SLC2A9: variants seen among roughly 807,000 people sequenced by gnomAD.
SLC2A9 encodes solute carrier family 2 member 9.
A neutral mutation model predicts 50.6 loss-of-function variants in SLC2A9; 39 were observed. That is an observed-to-expected ratio of 0.77 (90% confidence interval 0.60 to 1.01). The LOEUF is 1.01. SLC2A9 is among the 50% of genes least tolerant of loss of function. The pLI, the probability that SLC2A9 is intolerant of heterozygous loss-of-function variation, is 0.00. For synonymous variants in SLC2A9, 324 were observed against 276.9 expected (o/e 1.17, Z -1.69); for missense variants, 686 against 677.6 (o/e 1.01, Z -0.14).
Position 9,942,868 on chromosome 4 carries a change from G to A in SLC2A9, c.682-823C>T, listed in dbSNP as rs905143897. 3.3e-5 allele frequency among the ~76,000 whole-genome samples: 5 copies of A among 152,324 alleles called. No homozygotes were observed. The East Asian group carries it at 9.6e-4, about 29-fold the overall frequency. On this transcript the variant is annotated intron_variant, in intron 5 of 11. Transcript: ENST00000264784. Reference sequence around the variant, plus strand: ...ACAATGCAGTTCTGATCATGAGAAGGAGGAAAAACCAAGTCCTCAATGCCA... The same window carrying A: ...ACAATGCAGTTCTGATCATGAGAAGAAGGAAAAACCAAGTCCTCAATGCCA...
chr4:9,844,226 A>G (rs1728583774), intron 10 of SLC2A9, among the ~76,000 whole-genome samples: 1 of 148,582 alleles, frequency 6.7e-6, no homozygotes, highest in African/African-American at 2.5e-5. Flanking sequence ...GGTGATATGG[A>G]TTGAGGTATA....
chr4:10,036,319 C>CA (rs906409994), intron 1 of SLC2A9, among the ~76,000 whole-genome samples: 13 of 149,778 alleles, frequency 8.7e-5, no homozygotes, highest in South Asian at 6.3e-4. Flanking sequence ...TGAAATTGAC[C>CA]AAAAAAAAAG....
intron 3 of SLC2A9, among the ~76,000 whole-genome samples, chr4:9,813,998 G>C (rs972242188): frequency 2.0e-5 from 3 of 152,102 alleles, no homozygotes; most frequent in African/African-American, 7.2e-5. Context: ...AAAAGATCCA[G>C]GCGTGGTGGC....
At chr4:9,819,015 G>A (rs1166886606) in intron 3 of SLC2A9, among the ~76,000 whole-genome samples, 7 of 151,596 alleles carry the variant, frequency 4.6e-5, no homozygotes, top group East Asian at 1.9e-4. Flanking sequence ...CCAGCAACTC[G>A]GGAGACTGAG....
intron 1 of SLC2A9, among the ~76,000 whole-genome samples, chr4:10,038,041 G>A (rs1044530637): frequency 3.3e-5 from 5 of 152,202 alleles, no homozygotes; most frequent in African/African-American, 9.7e-5. Flanking sequence ...CTGGCAGGAA[G>A]AGAGTTGGCC....
chr4:9,875,184 G>C (rs2109553391), intron 10 of SLC2A9, among the ~76,000 whole-genome samples: 2 of 130,962 alleles, frequency 1.5e-5, no homozygotes, highest in Admixed American at 7.8e-5. Context: ...CCATAGGTTA[G>C]CATCTGTCTA....
chr4:9,920,012 A>C (rs1743602501), intron 7 of SLC2A9, among the ~76,000 whole-genome samples: 2 of 152,080 alleles, frequency 1.3e-5, no homozygotes, highest in Admixed American at 1.3e-4. Context: ...AAGACAGCCC[A>C]GTCAAGAGTA....
intron 4 of SLC2A9, among the ~76,000 whole-genome samples, chr4:9,983,979 G>A (rs1170735396): frequency 6.6e-6 from 1 of 152,098 alleles, no homozygotes; most frequent in Non-Finnish European, 1.5e-5. Flanking sequence ...TGAGAAAACA[G>A]TCTTTCATTA....
intron 8 of SLC2A9, among the ~76,000 whole-genome samples, chr4:9,891,779 G>A (rs12644047): frequency 0.25 from 38,631 of 152,148 alleles, 5,512 homozygotes; most frequent in African/African-American, 0.37. Flanking sequence ...AGACAGAGAT[G>A]TGGAGAGCTT....
chr4:9,926,202 G>A (rs1290441921), intron 6 of SLC2A9, among the ~76,000 whole-genome samples: 2 of 151,890 alleles, frequency 1.3e-5, no homozygotes, highest in African/African-American at 4.8e-5. Flanking sequence ...TGGAGCTGGA[G>A]AAACCTGGGC....
chr4:9,866,386 T>G (rs1469082510), intron 10 of SLC2A9, among the ~76,000 whole-genome samples: 1 of 152,142 alleles, frequency 6.6e-6, no homozygotes, highest in East Asian at 1.9e-4. Flanking sequence ...TGTCCTCTGA[T>G]GCAAACCCGC....
At chr4:9,791,316 T>C (rs903461811) in intron 3 of SLC2A9, among the ~76,000 whole-genome samples, 3 of 152,352 alleles carry the variant, frequency 2.0e-5, no homozygotes, top group Non-Finnish European at 2.9e-5. Flanking sequence ...ATAGAGCTAA[T>C]CCATGCCTGT....
intron 2 of SLC2A9, among the ~76,000 whole-genome samples, chr4:10,012,754 G>A (rs909044169): frequency 2.6e-5 from 4 of 152,132 alleles, no homozygotes; most frequent in African/African-American, 4.8e-5. Flanking sequence ...TCCAGCGTGC[G>A]GTGTGTTTGA....
intron 9 of SLC2A9, 26 bp from the exon 10 acceptor site, chr4:9,887,668 G>A: frequency 2.0e-6 from 3 of 1,467,776 alleles, no homozygotes; most frequent in Non-Finnish European, 1.8e-6. Context: ...GAGTGGTCAG[G>A]TGAGGAGGTG....
chr4:9,862,695 G>T (rs564761513), intron 10 of SLC2A9, among the ~76,000 whole-genome samples: 1 of 151,882 alleles, frequency 6.6e-6, no homozygotes, highest in East Asian at 1.9e-4. Flanking sequence ...TGCCTGCAGC[G>T]CTAGCTTCTC....
At chr4:9,795,308 C>T (rs1261853026), downstream of SLC2A9, among the ~76,000 whole-genome samples, 2 of 152,168 alleles carry the variant, frequency 1.3e-5, no homozygotes, top group Non-Finnish European at 2.9e-5. Flanking sequence ...CTGTGCCCGG[C>T]TGCATTAACC....
chr4:9,884,257 G>A (rs1357819624), intron 10 of SLC2A9, among the ~76,000 whole-genome samples: 1 of 152,184 alleles, frequency 6.6e-6, no homozygotes, highest in Non-Finnish European at 1.5e-5. Context: ...TCAGGAGCAT[G>A]TTACTTTTTT....
At chr4:9,799,677 C>A (rs1385736520) in intron 3 of SLC2A9, among the ~76,000 whole-genome samples, 2 of 139,354 alleles carry the variant, frequency 1.4e-5, no homozygotes, top group Admixed American at 7.5e-5. Context: ...GCTTTCTGAG[C>A]TCCATTCCAA....
intron 5 of SLC2A9, among the ~76,000 whole-genome samples, chr4:9,943,725 C>T (rs989624980): frequency 2.0e-5 from 3 of 152,042 alleles, no homozygotes; most frequent in Non-Finnish European, 2.9e-5. Context: ...GTGGAATTTT[C>T]GCTAGGCCTG....
Sources: gnomAD v4.1 joint callset for allele counts (sites outside exome capture counted in the v4.1 genomes callset) on GRCh38, gnomAD v4.1.1 for gene constraint, MANE v1.5 for transcripts, NCBI Gene and HGNC (gene_info 2026-07-23, HGNC 2026-07-21) for gene names.